SLC27A6: variants seen among roughly 807,000 people sequenced by gnomAD.
SLC27A6 encodes solute carrier family 27 member 6, also known as long-chain fatty acid transport protein 6.
In SLC27A6, 74 loss-of-function variants were observed where a neutral mutation model predicts 63.9. That is an observed-to-expected ratio of 1.16 (90% confidence interval 0.96 to 1.40). The LOEUF (loss-of-function observed/expected upper bound fraction) is 1.40, where lower values mean the gene tolerates loss of function less well. Ranked by LOEUF, SLC27A6 falls within the 40% of genes most tolerant of loss-of-function variation. The pLI is 0.00. For synonymous variants in SLC27A6, 287 were observed against 260.8 expected (o/e 1.10, Z -0.97); for missense variants, 794 against 732.9 (o/e 1.08, Z -0.96).
At chr5:129,028,324 A>C (rs374231955) in intron 7 of SLC27A6, 21 bp from the exon 8 acceptor site, 1 of 1,534,168 alleles carries the variant, frequency 6.5e-7, no homozygotes. Context: ...CACTAACTGG[A>C]ATTTGATTTT....
At chr5:129,003,104 G>T in intron 4 of SLC27A6, among the ~76,000 whole-genome samples, 1 of 151,888 alleles carries the variant, frequency 6.6e-6, no homozygotes, top group East Asian at 1.9e-4. Context: ...TTTCTTTTTT[G>T]ATCTGTGTGT....
Position 128,966,133 on chromosome 5 carries a change from C to T in SLC27A6, c.-5C>T. On this transcript the variant is annotated 5_prime_UTR_variant, in exon 1 of 10. Coordinates refer to ENST00000262462, the MANE Select transcript of SLC27A6 (RefSeq NM_001017372.3). ...TCAGAGCTGTCTTCTGGCCCAGTTG[C>T]CCCCATGCTTCTGTCATGGCTAACA... The T allele has an allele frequency of 6.5e-7, 1 of 1,532,682 alleles. No individual in the cohort carries two copies. The highest frequency in any genetic ancestry group is 8.7e-7 in the Non-Finnish European group (1 of 1,144,938). 94.9% of individuals were successfully genotyped at this position (1,532,682 alleles called of 1,614,324 possible).
chr5:129,019,433 C>T (rs1044253516), intron 5 of SLC27A6, among the ~76,000 whole-genome samples: 3 of 145,296 alleles, frequency 2.1e-5, no homozygotes, highest in South Asian at 2.2e-4. Context: ...AAATAAAGCT[C>T]GGAAAAAAAA....
At chr5:128,970,078 A>G (rs961340770) in intron 1 of SLC27A6, among the ~76,000 whole-genome samples, 15 of 147,742 alleles carry the variant, frequency 1.0e-4, no homozygotes, top group African/African-American at 3.4e-4. Flanking sequence ...ATTGATTTGC[A>G]TGTGCTGAAC....
chr5:128,987,288 T>C (rs889051025), intron 2 of SLC27A6, among the ~76,000 whole-genome samples: 1 of 152,200 alleles, frequency 6.6e-6, no homozygotes, highest in Non-Finnish European at 1.5e-5. Flanking sequence ...ACACTGATCA[T>C]GATGGATTCC....
intron 1 of SLC27A6, among the ~76,000 whole-genome samples, chr5:128,976,872 G>T (rs2150129919): frequency 1.3e-5 from 2 of 152,240 alleles, no homozygotes; most frequent in East Asian, 3.9e-4. Context: ...TTTTTTAAAG[G>T]TCTCTATTTA....
intron 1 of SLC27A6, among the ~76,000 whole-genome samples, chr5:128,973,351 T>G (rs189884740): frequency 6.6e-6 from 1 of 152,214 alleles, no homozygotes; most frequent in Non-Finnish European, 1.5e-5. Context: ...CTGCTGCCTT[T>G]TATTCAGCTA....
chr5:128,978,390 T>G (rs1264471713), intron 1 of SLC27A6, among the ~76,000 whole-genome samples: 1 of 152,204 alleles, frequency 6.6e-6, no homozygotes, highest in South Asian at 2.1e-4. Flanking sequence ...TTTCAGTTTC[T>G]AAAATATAGC....
intron 5 of SLC27A6, among the ~76,000 whole-genome samples, chr5:129,019,529 T>G (rs182792595): frequency 1.8e-3 from 271 of 151,730 alleles, no homozygotes; most frequent in African/African-American, 6.1e-3. Flanking sequence ...GACCAGGAAA[T>G]GTTTAGAAAA....
chr5:128,992,313 A>G (rs1437628914), intron 4 of SLC27A6, among the ~76,000 whole-genome samples: 1 of 152,080 alleles, frequency 6.6e-6, no homozygotes, highest in Non-Finnish European at 1.5e-5. Context: ...TAAGGCATGA[A>G]TGGTGTGCTG....
chr5:129,002,911 C>G (rs1310317124), intron 4 of SLC27A6, among the ~76,000 whole-genome samples: 1 of 152,168 alleles, frequency 6.6e-6, no homozygotes, highest in Non-Finnish European at 1.5e-5. Flanking sequence ...TTGCTGCTGT[C>G]CTGCATTCTC....
chr5:129,006,191 G>C (rs1251771241), intron 4 of SLC27A6, among the ~76,000 whole-genome samples: 1 of 145,524 alleles, frequency 6.9e-6, no homozygotes, highest in African/African-American at 2.6e-5. Context: ...CCATTCTCCC[G>C]CCTCAGCCTC....
chr5:129,011,139 T>C (rs1188112385), intron 4 of SLC27A6, among the ~76,000 whole-genome samples: 1 of 152,192 alleles, frequency 6.6e-6, no homozygotes, highest in Non-Finnish European at 1.5e-5. Flanking sequence ...TTTGGCAGAT[T>C]TATGTATTTA....
Position 128,988,701 on chromosome 5 carries a change from C to G in SLC27A6, c.787C>G (p.Leu263Val). The change falls in exon 3 of 10, where the codon CTT becomes GTT. Residue 263 changes from leucine (L) to valine (V), a missense_variant. Transcript: ENST00000262462. ...TGCTCATGACATTGTTTATATAACCCTTCCTCTGTATCATAGTTCAGCAGC... is the reference window on the plus strand; with the variant it reads ...TGCTCATGACATTGTTTATATAACCGTTCCTCTGTATCATAGTTCAGCAGC... ...CTAHDIVYIT[L>V]PLYHSSAAIL... 1.9e-6 allele frequency: 3 copies of G among 1,613,708 alleles called. No individual in the cohort carries two copies. The highest frequency in any genetic ancestry group is 2.5e-6 in the Non-Finnish European group (3 of 1,179,722).
chr5:128,991,659 T>C (rs1378478456), intron 4 of SLC27A6, among the ~76,000 whole-genome samples: 1 of 152,160 alleles, frequency 6.6e-6, no homozygotes, highest in Non-Finnish European at 1.5e-5. Context: ...TTATAATTTA[T>C]TTTCTATTTT....
intron 5 of SLC27A6, among the ~76,000 whole-genome samples, chr5:129,022,716 A>G (rs1209021095): frequency 6.6e-6 from 1 of 152,040 alleles, no homozygotes; most frequent in Non-Finnish European, 1.5e-5. Context: ...GCCCAGCTGC[A>G]TGGAGGGATA....
At chr5:129,019,915 C>G (rs961077774) in intron 5 of SLC27A6, among the ~76,000 whole-genome samples, 2 of 152,024 alleles carry the variant, frequency 1.3e-5, no homozygotes, top group Non-Finnish European at 2.9e-5. Context: ...ATAATTATTT[C>G]TACCCTAATA....
chr5:129,028,548 A>G, intron 8 of SLC27A6, 106 bp downstream of exon 8: 1 of 662,492 alleles, frequency 1.5e-6, no homozygotes, highest in Non-Finnish European at 2.5e-6. Flanking sequence ...TTTGTGTATT[A>G]AGATAAAGAT....
intron 1 of SLC27A6, among the ~76,000 whole-genome samples, chr5:128,971,701 C>G (rs1018284589): frequency 6.6e-6 from 1 of 152,030 alleles, no homozygotes; most frequent in African/African-American, 2.4e-5. Flanking sequence ...ACTGATGGGT[C>G]TTGACTCTTT....
Sources: gnomAD v4.1 joint callset for allele counts (sites outside exome capture counted in the v4.1 genomes callset) on GRCh38, gnomAD v4.1.1 for gene constraint, MANE v1.5 for transcripts, NCBI Gene and HGNC (gene_info 2026-07-23, HGNC 2026-07-21) for gene names.